SUGCT: variants seen among roughly 807,000 people sequenced by gnomAD.
SUGCT encodes the protein succinyl-CoA:glutarate-CoA transferase, also known as succinyl-CoA:glutarate CoA-transferase.
In SUGCT, 41 loss-of-function variants were observed where a neutral mutation model predicts 55.0. That is an observed-to-expected ratio of 0.74 (90% CI 0.58 to 0.97). The LOEUF is 0.97. Among genes scored for constraint, SUGCT ranks in the 50% least tolerant of loss-of-function variants. The pLI, the probability that SUGCT is intolerant of heterozygous loss-of-function variation, is 0.00. For missense variants in SUGCT, 568 were observed against 547.8 expected (o/e 1.04, Z -0.37); for synonymous variants, 187 against 200.4 (o/e 0.93, Z 0.56).
chr7:40,393,094 T>C (rs1006141000), intron 9 of SUGCT, among the ~76,000 whole-genome samples: 1 of 152,110 alleles, frequency 6.6e-6, no homozygotes, highest in African/African-American at 2.4e-5. Context: ...GTGGAAACAG[T>C]TGAGGAATTT....
At chr7:40,998,106 C>A in the SUGCT span, among the ~76,000 whole-genome samples, 1 of 152,272 alleles carries the variant, frequency 6.6e-6, no homozygotes, top group South Asian at 2.1e-4. Flanking sequence ...GTGGCTCACA[C>A]CTGTAATCCC....
At chr7:40,603,718 G>A (rs940619766) in intron 12 of SUGCT, among the ~76,000 whole-genome samples, 2 of 152,088 alleles carry the variant, frequency 1.3e-5, no homozygotes, top group Non-Finnish European at 2.9e-5. Flanking sequence ...TTCTTATTTG[G>A]TATGTCCTGC....
chr7:40,703,590 C>T (rs1785265124), intron 12 of SUGCT, among the ~76,000 whole-genome samples: 1 of 152,160 alleles, frequency 6.6e-6, no homozygotes, highest in African/African-American at 2.4e-5. Flanking sequence ...AAAGCTTAAT[C>T]ACTTGCCCAC....
At chr7:40,788,959 TG>T (rs1183209750) in intron 13 of SUGCT, among the ~76,000 whole-genome samples, 24 of 152,348 alleles carry the variant, frequency 1.6e-4, no homozygotes, top group African/African-American at 5.0e-4. Flanking sequence ...CTGCCATATT[TG>T]TCACTACTCA....
the SUGCT span, among the ~76,000 whole-genome samples, chr7:40,934,339 A>T: frequency 1.3e-5 from 2 of 152,090 alleles, no homozygotes; most frequent in Non-Finnish European, 2.9e-5. Flanking sequence ...ACCTACCTGT[A>T]TGAGGTGTCT....
At chr7:40,630,820 A>G (rs1799756021) in intron 12 of SUGCT, among the ~76,000 whole-genome samples, 1 of 117,828 alleles carries the variant, frequency 8.5e-6, no homozygotes. Flanking sequence ...CACAGTGGGG[A>G]TTTATAAACT....
chr7:40,572,981 A>T (rs978599309), intron 12 of SUGCT, among the ~76,000 whole-genome samples: 1 of 152,144 alleles, frequency 6.6e-6, no homozygotes, highest in Admixed American at 6.5e-5. Flanking sequence ...AAACCCCGGG[A>T]CTGAAGACAT....
chr7:40,894,229 G>T, the SUGCT span, among the ~76,000 whole-genome samples: 3 of 152,146 alleles, frequency 2.0e-5, no homozygotes, highest in African/African-American at 2.4e-5. Context: ...AGCATTGGGA[G>T]AAAGGGATCC....
At chr7:41,000,436 C>T in the SUGCT span, among the ~76,000 whole-genome samples, 6 of 150,714 alleles carry the variant, frequency 4.0e-5, no homozygotes, top group East Asian at 1.9e-4. Flanking sequence ...TATGTAATTA[C>T]AGTTCTTCAA....
At chr7:40,301,168 C>G (rs1457052392) in intron 8 of SUGCT, among the ~76,000 whole-genome samples, 1 of 152,154 alleles carries the variant, frequency 6.6e-6, no homozygotes, top group East Asian at 1.9e-4. Flanking sequence ...TTACACTAGA[C>G]TGTTTTTCCA....
intron 8 of SUGCT, among the ~76,000 whole-genome samples, chr7:40,291,517 A>T (rs1200731434): frequency 1.7e-5 from 1 of 58,522 alleles, no homozygotes; most frequent in Non-Finnish European, 3.1e-5. Flanking sequence ...GGGTGGGGGG[A>T]GGGGGGAGGG....
chr7:40,290,979 T>C (rs1379679326), intron 8 of SUGCT, among the ~76,000 whole-genome samples: 4 of 152,182 alleles, frequency 2.6e-5, no homozygotes, highest in Non-Finnish European at 5.9e-5. Context: ...CCAGTTAGAA[T>C]GGCGATCATT....
intron 1 of SUGCT, among the ~76,000 whole-genome samples, chr7:40,158,409 G>C (rs1783999288): frequency 6.6e-6 from 1 of 152,168 alleles, no homozygotes. Context: ...AAGAGACATA[G>C]AGTAGGAATA....
chr7:40,572,424 T>C (rs740214), intron 12 of SUGCT, among the ~76,000 whole-genome samples: 16,079 of 152,012 alleles, frequency 0.11, 886 homozygotes, highest in Middle Eastern at 0.19. Flanking sequence ...CATTCATTGG[T>C]GGTCAGAGCT....
At chr7:40,248,461 T>G (rs1790063814) in intron 7 of SUGCT, among the ~76,000 whole-genome samples, 1 of 152,234 alleles carries the variant, frequency 6.6e-6, no homozygotes. Context: ...TTATTTAACC[T>G]TCTCTTGCTG....
chr7:40,752,021 A>G (rs1238964570), intron 13 of SUGCT, among the ~76,000 whole-genome samples: 2 of 152,234 alleles, frequency 1.3e-5, no homozygotes, highest in Non-Finnish European at 2.9e-5. Flanking sequence ...TGTATCAGGT[A>G]GCCATTGTCA....
intron 7 of SUGCT, among the ~76,000 whole-genome samples, chr7:40,267,425 GAGTTTAAGTCC>G (rs1042523527): frequency 3.4e-4 from 51 of 152,108 alleles, no homozygotes; most frequent in African/African-American, 1.1e-3. Context: ...GTCTGTATAT[GAGTTTAAGTCC>G]ACTTCTAATA....
intron 9 of SUGCT, among the ~76,000 whole-genome samples, chr7:40,317,160 A>G (rs1372136530): frequency 6.6e-6 from 1 of 151,064 alleles, no homozygotes; most frequent in Non-Finnish European, 1.5e-5. Flanking sequence ...TAAAAGAGGC[A>G]CTGACTGTAG....
At chr7:40,409,377 C>T (rs1786548429) in intron 9 of SUGCT, among the ~76,000 whole-genome samples, 1 of 152,138 alleles carries the variant, frequency 6.6e-6, no homozygotes, top group Non-Finnish European at 1.5e-5. Flanking sequence ...GATCCTCCCA[C>T]CTCAGCCTCC....
Sources: gnomAD v4.1 joint callset for allele counts (sites outside exome capture counted in the v4.1 genomes callset) on GRCh38, gnomAD v4.1.1 for gene constraint, MANE v1.5 for transcripts, NCBI Gene and HGNC (gene_info 2026-07-23, HGNC 2026-07-21) for gene names.